Variants in SLC45A1 observed in about 807,000 individuals in gnomAD.
SLC45A1 encodes solute carrier family 45 member 1.
Under a neutral mutation model 57.6 loss-of-function variants are expected in SLC45A1, and 28 were observed. The ratio of observed to expected loss-of-function variants is 0.49; its 90% CI spans 0.36 to 0.67. SLC45A1 has a LOEUF of 0.67. SLC45A1 is among the 30% of genes least tolerant of loss of function. The pLI is 0.00. For missense variants in SLC45A1, 814 were observed against 1,041.5 expected, an observed-to-expected ratio of 0.78 and a Z score of 3.01; for synonymous variants, 459 against 471.5, an observed-to-expected ratio of 0.97 and a Z score of 0.34.
At position 8,325,915 on chromosome 1, in the gene SLC45A1, C is replaced by T. The variant is rs376508979; in HGVS notation, c.588C>T (p.Thr196=). The change falls in exon 4 of 9, where the codon ACC becomes ACT. Residue 196 remains threonine, a synonymous_variant. Coordinates refer to ENST00000471889, the MANE Select transcript of SLC45A1 (RefSeq NM_001080397.3). The surrounding 1 kb of genome is among the most constrained non-coding windows in gnomAD (Gnocchi z 6.3). ...TGNHKWGLLL[T]VCGVVLMDFS... The stretch of plus-strand genomic sequence containing the variant: ...ACCACAAGTGGGGCCTGCTGCTGAC[C>T]GTGTGCGGTGTGGTGCTGATGGACT... 47 of 1,614,022 alleles carry T rather than the reference C, an allele frequency of 2.9e-5. No individual in the cohort carries two copies. In the African/African-American group the frequency reaches 4.7e-4, roughly 16 times the overall value.
In SLC45A1 at chr1:8,330,272, G is replaced by C; in HGVS notation, c.779G>C (p.Arg260Thr). ...GIHWDKTGFG[R>T]ALGGQLRVIY... is the part of the protein sequence containing the mutation. ...CACTGGGATAAAACGGGCTTCGGGAGGGCCCTGGGGGGACAGCTCCGAGTC... is the reference window on the plus strand; with the variant it reads ...CACTGGGATAAAACGGGCTTCGGGACGGCCCTGGGGGGACAGCTCCGAGTC... Residue 260 changes from arginine to threonine, a missense_variant, in exon 5 of 9, where the codon AGG (arginine) becomes ACG (threonine). Transcript: ENST00000471889. The surrounding 1 kb of genome is among the most constrained non-coding windows in gnomAD (Gnocchi z 8.4). 6.2e-7 allele frequency: 1 copy of C among 1,613,950 alleles called. No homozygotes were observed. The highest frequency in any genetic ancestry group is 8.5e-7 in the Non-Finnish European group (1 of 1,180,006).
At position 8,343,884 on chromosome 1, in the gene SLC45A1, C is replaced by A; in HGVS notation, c.2118C>A (p.Asn706Lys). Residue 706 changes from asparagine (N) to lysine (K), a missense_variant, in exon 9 of 9, where the codon AAC becomes AAA. Transcript: ENST00000471889. This position sits in a 1 kb window ranked among gnomAD's most constrained non-coding sequence, Gnocchi z 7.7. Reference protein sequence around the residue: ...GPLTSAVGSANGVMYFSSLVS... With the variant: ...GPLTSAVGSAKGVMYFSSLVS... ...TGACCTCGGCCGTGGGCAGTGCCAACGGGGTGATGTACTTCTCCAGCCTCG... is the reference window on the plus strand; with the variant it reads ...TGACCTCGGCCGTGGGCAGTGCCAAAGGGGTGATGTACTTCTCCAGCCTCG... 1 of 1,614,134 alleles carries A rather than the reference C, an allele frequency of 6.2e-7. No homozygotes were observed. Among genetic ancestry groups the A allele is most frequent in the Non-Finnish European group, 8.5e-7 (1 of 1,180,002 alleles).
intron 4 of SLC45A1, among the ~76,000 whole-genome samples, chr1:8,329,156 C>T (rs1388412793): frequency 1.3e-5 from 2 of 152,152 alleles, no homozygotes; most frequent in Admixed American, 6.5e-5. Context: ...CATGGTCATA[C>T]GGTCCTTAGG....
At chr1:8,323,766 G>A (rs1370811086) in intron 1 of SLC45A1, among the ~76,000 whole-genome samples, 1 of 152,222 alleles carries the variant, frequency 6.6e-6, no homozygotes, top group African/African-American at 2.4e-5. Context: ...GCGAAGGAGG[G>A]AACACAAGCG....
chr1:8,336,257 A>C (rs1640608153), intron 6 of SLC45A1: 1 of 152,126 alleles, frequency 6.6e-6, no homozygotes, highest in African/African-American at 2.4e-5. Context: ...TAAAAATACA[A>C]AAATTAGCTG....
chr1:8,341,929 C>T (rs1472757473), intron 8 of SLC45A1, among the ~76,000 whole-genome samples: 2 of 151,444 alleles, frequency 1.3e-5, no homozygotes, highest in Admixed American at 6.6e-5. Context: ...ATAAATAGGC[C>T]GGGTGCGGTG....
At chr1:8,342,063 C>G (rs1055446648) in intron 8 of SLC45A1, among the ~76,000 whole-genome samples, 1 of 152,002 alleles carries the variant, frequency 6.6e-6, no homozygotes, top group South Asian at 2.1e-4. Context: ...AAAAATTAGC[C>G]GGGCGTGGTG....
rs1470826317 is a variant in SLC45A1 at position 8,318,142 on chromosome 1, C to T, written c.-69C>T. The T allele has an allele frequency of 2.2e-6, 1 of 459,946 alleles. No homozygotes were observed. The highest frequency in any genetic ancestry group is 4.0e-6 in the Non-Finnish European group (1 of 252,454). The allele number at this position is 459,946 out of a possible 1,614,324, so 28.5% of individuals were successfully genotyped here. A position where few individuals can be genotyped will look rare whatever the true frequency, so the allele number is the denominator to read the frequency against. On this transcript the variant is annotated 5_prime_UTR_variant, in exon 1 of 9. Coordinates refer to ENST00000471889, the MANE Select transcript of SLC45A1 (RefSeq NM_001080397.3). Reference sequence around the variant, plus strand: ...GCAGCCGGGACCGCGGCCGGGCAGGCAGCAGCCCAGCGGGGACAGGGATGC... The same window carrying T: ...GCAGCCGGGACCGCGGCCGGGCAGGTAGCAGCCCAGCGGGGACAGGGATGC...
Position 8,327,800 on chromosome 1 carries a change from G to A in SLC45A1, c.715+1758G>A, listed in dbSNP as rs1640247653. On this transcript the variant is annotated intron_variant, in intron 4 of 8. Transcript: ENST00000471889. This position sits in a 1 kb window ranked among gnomAD's most constrained non-coding sequence, Gnocchi z 4.3. ...AACCCCAGCACTTTGAGAGGCTGAA[G>A]TGGGTGAATCACTTGAGGTCAGGCG... Among the ~76,000 whole-genome samples, 1 of 152,220 alleles carries A rather than the reference G, an allele frequency of 6.6e-6. No individual in the cohort carries two copies. Among genetic ancestry groups the A allele is most frequent in the Admixed American group, 6.5e-5 (1 of 15,286 alleles).
Position 8,325,289 on chromosome 1 carries a change from C to G in SLC45A1, c.398-9C>G. 1 of 1,608,354 alleles carries G rather than the reference C, an allele frequency of 6.2e-7. No individual in the cohort carries two copies. The stretch of plus-strand genomic sequence containing the variant: ...CCCTGGCAATGACCGCTGGCCTGCT[C>G]TGTTTCAGGATTCCTACTGCAGCCT... On this transcript the variant is annotated splice_polypyrimidine_tract_variant and intron_variant, in intron 2 of 8. Transcript: ENST00000471889. This position sits in a 1 kb window ranked among gnomAD's most constrained non-coding sequence, Gnocchi z 6.3.
At chr1:8,329,530 C>T (rs1386523095) in intron 4 of SLC45A1, among the ~76,000 whole-genome samples, 2 of 152,252 alleles carry the variant, frequency 1.3e-5, no homozygotes, top group Non-Finnish European at 1.5e-5. Flanking sequence ...GGTAAATCTG[C>T]CCACTGCTGT....
intron 2 of SLC45A1, among the ~76,000 whole-genome samples, chr1:8,324,972 C>G (rs1640152439): frequency 6.6e-6 from 1 of 152,160 alleles, no homozygotes. Context: ...ATGCCAGGCT[C>G]TCCTTGTTGG....
In SLC45A1 at chr1:8,334,724, C is replaced by T. The variant is rs541830877; in HGVS notation, c.1444-713C>T. On this transcript the variant is annotated intron_variant, in intron 5 of 8. Coordinates refer to ENST00000471889, the MANE Select transcript of SLC45A1 (RefSeq NM_001080397.3). ...TCTAAAACAACAAAAACAACAACAACAACGAAATAACAAGCTCCCCTGACC... is the reference window on the plus strand; with the variant it reads ...TCTAAAACAACAAAAACAACAACAATAACGAAATAACAAGCTCCCCTGACC... Among the ~76,000 whole-genome samples, 4 of 152,174 alleles carry T rather than the reference C, an allele frequency of 2.6e-5. 1 individual carries two copies. The East Asian group carries it at 7.7e-4, about 29-fold the overall frequency.
At chr1:8,342,024 A>G (rs909609659) in intron 8 of SLC45A1, among the ~76,000 whole-genome samples, 21 of 152,186 alleles carry the variant, frequency 1.4e-4, no homozygotes, top group Admixed American at 3.3e-4. Flanking sequence ...TGGCTAACAC[A>G]GTGAAGCCCC....
In SLC45A1 at chr1:8,335,462, T is replaced by G; in HGVS notation, c.1469T>G (p.Val490Gly). 1 of 1,597,708 alleles carries G rather than the reference T, an allele frequency of 6.3e-7. No individual in the cohort carries two copies. Among genetic ancestry groups the G allele is most frequent in the Non-Finnish European group, 8.5e-7 (1 of 1,178,230 alleles). ...GTGGCCAATATCCTGCTCAACGGCGTGAAGTATGAGAGCGAGCTGACGGGC... is the reference window on the plus strand; with the variant it reads ...GTGGCCAATATCCTGCTCAACGGCGGGAAGTATGAGAGCGAGCTGACGGGC... ...QQVANILLNG[V>G]KYESELTGSS... The change falls in exon 6 of 9, where the codon GTG (valine) becomes GGG (glycine). Residue 490 changes from valine (V) to glycine (G), a missense_variant. Transcript: ENST00000471889. This position sits in a 1 kb window ranked among gnomAD's most constrained non-coding sequence, Gnocchi z 4.1.
chr1:8,325,159 CACTG>C lies in SLC45A1; in HGVS notation c.398-134_398-131del, dbSNP rs988084101. 2.6e-5 allele frequency: 16 copies of C among 621,720 alleles called. No individual in the cohort carries two copies. The African/African-American group carries it at 2.8e-4, about 11-fold the overall frequency. 38.5% of individuals were successfully genotyped at this position (621,720 alleles called of 1,614,324 possible). On this transcript the variant is annotated intron_variant, in intron 2 of 8. Coordinates refer to ENST00000471889, the MANE Select transcript of SLC45A1 (RefSeq NM_001080397.3). This position sits in a 1 kb window ranked among gnomAD's most constrained non-coding sequence, Gnocchi z 6.3. Reference sequence around the variant, plus strand: ...TTGGTTTCCGAGTTCAGGGTTTTGTCACTGACTGTTTCATCATCTTATTCTTTTG... The same window carrying C: ...TTGGTTTCCGAGTTCAGGGTTTTGTCACTGTTTCATCATCTTATTCTTTTG...
chr1:8,323,832 C>CGCAACG (rs1437182686), intron 1 of SLC45A1, among the ~76,000 whole-genome samples: 1 of 152,128 alleles, frequency 6.6e-6, no homozygotes, highest in Non-Finnish European at 1.5e-5. Flanking sequence ...GAGCTGTCCC[C>CGCAACG]GCAACGCGAG....
intron 1 of SLC45A1, among the ~76,000 whole-genome samples, chr1:8,319,443 T>C (rs1639931788): frequency 1.3e-5 from 2 of 152,240 alleles, no homozygotes; most frequent in African/African-American, 4.8e-5. Context: ...ATTACTTTTA[T>C]TAATCATTTG....
intron 7 of SLC45A1, among the ~76,000 whole-genome samples, chr1:8,338,510 T>A (rs1300585057): frequency 6.6e-6 from 1 of 152,238 alleles, no homozygotes; most frequent in East Asian, 1.9e-4. Flanking sequence ...CGAGGTGCCA[T>A]CCCCATGGGG....
Sources: allele counts gnomAD v4.1 joint callset (sites outside exome capture counted in the v4.1 genomes callset), GRCh38; gene constraint gnomAD v4.1.1; non-coding constraint Gnocchi (gnomAD v3.1); transcripts MANE v1.5; gene names NCBI Gene and HGNC (gene_info 2026-07-23, HGNC 2026-07-21).